Variants in USP36 observed in about 807,000 individuals in gnomAD.
USP36 encodes the protein ubiquitin specific peptidase 36.
USP36 carries 59 observed loss-of-function variants against 111.5 expected under a neutral mutation model. The ratio of observed to expected loss-of-function variants is 0.53; its 90% CI spans 0.43 to 0.66. The LOEUF (loss-of-function observed/expected upper bound fraction) is 0.66, where lower values mean the gene tolerates loss of function less well. Among genes scored for constraint, USP36 ranks in the 30% least tolerant of loss-of-function variants. The pLI is 0.00. For missense variants in USP36, 1,488 were observed against 1,468.0 expected (o/e 1.01, Z -0.22); for synonymous variants, 628 against 581.0 (o/e 1.08, Z -1.16).
At chr17:78,821,242 A>G in intron 7 of USP36, 181 bp from the exon 8 acceptor site, 1 of 586,632 alleles carries the variant, frequency 1.7e-6, no homozygotes, top group South Asian at 2.0e-5. Context: ...ACTGAAGTTC[A>G]CAAAGATGGA....
At chr17:78,790,577 C>CACCATGCCTGGCCTTTTTTGG (rs2144828617) in intron 3 of USP36, among the ~76,000 whole-genome samples, 1 of 152,282 alleles carries the variant, frequency 6.6e-6, no homozygotes, top group Non-Finnish European at 1.5e-5. Flanking sequence ...AGGTACAAGC[C>CACCATGCCTGGCCTTTTTTGG]ACCATGCCTG....
At position 78,813,691 on chromosome 17, in the gene USP36, C is replaced by CA. The variant is rs1383682711; in HGVS notation, c.1265+81dup. On this transcript the variant is annotated intron_variant, in intron 12 of 20. Coordinates refer to ENST00000449938, the MANE Select transcript of USP36 (RefSeq NM_001385174.1). ...AGTGGAATTCCCAATTACCTTCAAA[C>CA]AAAAAAAGGTTAGGGAGGCCCACCG... The CA allele has an allele frequency of 1.1e-5, 14 of 1,281,704 alleles. No homozygotes were observed. In the East Asian group the frequency reaches 2.3e-4, roughly 21 times the overall value. 79.4% of individuals were successfully genotyped at this position (1,281,704 alleles called of 1,614,324 possible).
chr17:78,814,867 C>G (rs909891624), intron 10 of USP36, among the ~76,000 whole-genome samples: 1 of 152,140 alleles, frequency 6.6e-6, no homozygotes, highest in African/African-American at 2.4e-5. Flanking sequence ...ACAAGAATCA[C>G]TTGAACCCGC....
rs1230752425 is a variant in USP36, at chr17:78,802,389, G to A, written c.2957C>T (p.Ala986Val). ...GCAGCTGCTGGACTCGGGGACAACA[G>A]CATCTTGGGGCTTGGCACTCCTTGG... ...KCPRSAKPQD[A>V]VVPESSSCAP... The change falls in exon 17 of 21, where the codon GCT (alanine) becomes GTT (valine). Residue 986 changes from alanine to valine, a missense_variant. Physicochemically the swap from Ala to Val is moderately conservative, Grantham distance 64 (BLOSUM62 0). Transcript: ENST00000449938. The A allele has an allele frequency of 1.2e-6, 2 of 1,609,420 alleles. No homozygotes were observed. The highest frequency in any genetic ancestry group is 1.7e-6 in the Non-Finnish European group (2 of 1,178,206).
intron 8 of USP36, 140 bp from the exon 9 acceptor site, chr17:78,820,152 GC>G: frequency 1.4e-6 from 1 of 737,810 alleles, no homozygotes; most frequent in Non-Finnish European, 2.2e-6. Context: ...CCCACTAGCT[GC>G]CAGATTGGGA....
chr17:78,798,427 C>T lies in USP36; in HGVS notation c.3365G>A (p.Arg1122His), dbSNP rs199843325. 2.4e-5 allele frequency: 39 copies of T among 1,614,012 alleles called. No individual in the cohort carries two copies. The highest frequency in any genetic ancestry group is 2.2e-5 in the East Asian group (1 of 44,882). The change falls in exon 20 of 21, where the codon CGC (arginine) becomes CAC (histidine). Residue 1122 changes from arginine to histidine, a missense_variant. Around this residue, in one of 3 missense-constraint regions of USP36, gnomAD observed 1,073 missense variants for 994.1 expected, o/e 1.08. Transcript: ENST00000449938. The surrounding 1 kb of genome is among the most constrained non-coding windows in gnomAD (Gnocchi z 5.1). ...CCTTCCACAGGGGCACAGTCAGCGGCGATAGCTGAGGCTGGCAGCCTTTGC... is the reference window on the plus strand; with the variant it reads ...CCTTCCACAGGGGCACAGTCAGCGGTGATAGCTGAGGCTGGCAGCCTTTGC... ...HPAKAASLSY[R>H]R
chr17:78,833,489 A>G (rs1190575944), intron 4 of USP36, among the ~76,000 whole-genome samples: 1 of 151,888 alleles, frequency 6.6e-6, no homozygotes, highest in Admixed American at 6.6e-5. Context: ...GCGGGCTGCT[A>G]CTCCAGGCAC....
chr17:78,799,677 G>A lies in USP36; in HGVS notation c.3114C>T (p.Tyr1038=), dbSNP rs138761721. The A allele has an allele frequency of 4.6e-5, 74 of 1,611,670 alleles. No homozygotes were observed. In the African/African-American group the frequency reaches 5.6e-4, roughly 12 times the overall value. The change falls in exon 18 of 21, where the codon TAC becomes TAT. Residue 1038 remains tyrosine, a synonymous_variant. Coordinates refer to ENST00000449938, the MANE Select transcript of USP36 (RefSeq NM_001385174.1). ...ELLKYSSDKA[Y]GRKVLTWDGK... ...TCTCCAAATCAGTACCTTTTCTCCC[G>A]TAAGCTTTATCAGATGAGTATTTGA...
intron 6 of USP36, among the ~76,000 whole-genome samples, chr17:78,825,806 G>A (rs1427239663): frequency 2.6e-5 from 4 of 152,164 alleles, no homozygotes; most frequent in Admixed American, 1.3e-4. Flanking sequence ...CACTCCCCCT[G>A]CAGGTGCTGG....
intron 13 of USP36, among the ~76,000 whole-genome samples, chr17:78,812,240 A>G (rs1173835885): frequency 1.3e-5 from 2 of 152,166 alleles, no homozygotes; most frequent in Admixed American, 6.5e-5. Flanking sequence ...GTGCACACAG[A>G]AAGTTTGCTT....
At chr17:78,809,431 T>C (rs1353226119) in intron 13 of USP36, among the ~76,000 whole-genome samples, 2 of 152,190 alleles carry the variant, frequency 1.3e-5, no homozygotes, top group Admixed American at 6.5e-5. Context: ...CCATACACAC[T>C]AGAACTTGCA....
chr17:78,802,521 C>T lies in USP36; in HGVS notation c.2825G>A (p.Gly942Asp), dbSNP rs1366859383. 5.0e-6 allele frequency: 8 copies of T among 1,605,760 alleles called. No homozygotes were observed. The South Asian group carries it at 7.7e-5, about 15-fold the overall frequency. ...DPLRHSCSPM[G>D]DGDPEAMEES... ...TTCCATGGCCTCTGGATCACCATCA[C>T]CCATGGGAGAGCAGCTGCTTGGAAG... is the stretch of plus-strand genomic sequence containing the variant. Residue 942 changes from glycine to aspartate, a missense_variant, in exon 17 of 21, where the codon GGT becomes GAT. By Grantham distance (94) the Gly-to-Asp change is moderately conservative. Transcript: ENST00000449938.
intron 7 of USP36, chr17:78,821,387 A>AATATATATATATAT (rs1174218979): frequency 5.8e-4 from 32 of 54,772 alleles, no homozygotes; most frequent in East Asian, 2.0e-3. Flanking sequence ...TCCTAATGAG[A>AATATATATATATAT]ATATATATAT....
rs577222312 is a variant in USP36, at chr17:78,798,810, C to T, written c.3240+98G>A. On this transcript the variant is annotated intron_variant, in intron 19 of 20. Transcript: ENST00000449938. The surrounding 1 kb of genome is among the most constrained non-coding windows in gnomAD (Gnocchi z 5.1). ...CAGCCTGGCTCTTCTCATGCTCGGCCGCTTCATGCCACTGCCGCCACCTCC... is the reference window on the plus strand; with the variant it reads ...CAGCCTGGCTCTTCTCATGCTCGGCTGCTTCATGCCACTGCCGCCACCTCC... The T allele has an allele frequency of 4.5e-5, 65 of 1,444,752 alleles. No individual in the cohort carries two copies. The East Asian group carries it at 5.0e-4, about 11-fold the overall frequency. The allele number at this position is 1,444,752 out of a possible 1,614,324, so 89.5% of individuals were successfully genotyped here.
At chr17:78,834,515 C>T (rs545051994) in intron 4 of USP36, among the ~76,000 whole-genome samples, 2 of 152,088 alleles carry the variant, frequency 1.3e-5, no homozygotes, top group East Asian at 3.9e-4. Flanking sequence ...TGATCTTGGT[C>T]AGCTCACTGC....
At chr17:78,794,775 A>G (rs1302115383), downstream of USP36, among the ~76,000 whole-genome samples, 3 of 152,144 alleles carry the variant, frequency 2.0e-5, no homozygotes, top group Non-Finnish European at 2.9e-5. Flanking sequence ...TGGGAGGCTG[A>G]GGCAAGCGGA....
chr17:78,807,211 G>A lies in USP36; in HGVS notation c.1833C>T (p.Ser611=). The A allele has an allele frequency of 2.5e-6, 4 of 1,614,084 alleles. No homozygotes were observed. The highest frequency in any genetic ancestry group is 3.4e-6 in the Non-Finnish European group (4 of 1,179,998). ...TGGCCGAGTGCTCTGGGCTGGAGCT[G>A]CTGGAGCCCCTCCTGTCGAGGCCAG... ...ESAGLDRRGS[S]SSSPEHSASS... The change falls in exon 14 of 21, where the codon AGC becomes AGT. Residue 611 remains serine (S), a synonymous_variant. Transcript: ENST00000449938.
chr17:78,837,176 T>G (rs1041151002), intron 2 of USP36, among the ~76,000 whole-genome samples: 7 of 152,194 alleles, frequency 4.6e-5, no homozygotes, highest in Non-Finnish European at 7.3e-5. Context: ...TAAATTATAT[T>G]TGTGGCTTGT....
intron 4 of USP36, 26 bp downstream of exon 4, chr17:78,835,254 C>T: frequency 6.2e-7 from 1 of 1,609,444 alleles, no homozygotes; most frequent in Non-Finnish European, 8.5e-7. Context: ...CCCACAGCCA[C>T]CCCACTGCTG....
Sources: allele counts gnomAD v4.1 joint callset (sites outside exome capture counted in the v4.1 genomes callset), GRCh38; gene constraint gnomAD v4.1.1; regional missense constraint gnomAD v4.1.1; non-coding constraint Gnocchi (gnomAD v3.1); transcripts MANE v1.5; gene names NCBI Gene and HGNC (gene_info 2026-07-23, HGNC 2026-07-21).